The following GMPS variants were observed in gnomAD, a reference collection of about 807,000 sequenced individuals.
The protein encoded by GMPS is guanosine monophosphate synthase.
In GMPS, 15 loss-of-function variants were observed where a neutral mutation model predicts 77.9. The observed-to-expected ratio is 0.19, with a 90% CI of 0.13 to 0.30. GMPS has a LOEUF of 0.30. Among genes scored for constraint, GMPS ranks in the 10% least tolerant of loss-of-function variants. GMPS has a pLI of 1.00. For missense variants in GMPS, 590 were observed against 838.8 expected, an observed-to-expected ratio of 0.70 and a Z score of 3.66; for synonymous variants, 224 against 275.9, an observed-to-expected ratio of 0.81 and a Z score of 1.86.
At chr3:155,884,410 A>G (rs540632330) in intron 1 of GMPS, among the ~76,000 whole-genome samples, 1 of 152,104 alleles carries the variant, frequency 6.6e-6, no homozygotes, top group East Asian at 1.9e-4. Flanking sequence ...AAAGAAAAAA[A>G]AATCACGAGG....
At chr3:155,910,955 T>C in intron 6 of GMPS, 70 bp downstream of exon 6, 1 of 1,155,398 alleles carries the variant, frequency 8.7e-7, no homozygotes, top group Admixed American at 2.2e-5. Flanking sequence ...GTTAGAGTCC[T>C]CAACACAGCC....
rs1755952860 is a variant in GMPS, at chr3:155,943,981, TACACATGCAC to T, written c.*6290_*6299del. The T allele has an allele frequency of 2.0e-5, 3 of 152,322 alleles. No individual in the cohort carries two copies. The South Asian group carries it at 6.2e-4, about 32-fold the overall frequency. 9.4% of individuals were successfully genotyped at this position (152,322 alleles called of 1,614,324 possible). On this transcript the variant is annotated 3_prime_UTR_variant, in exon 16 of 16. Transcript: ENST00000496455. ...TTTAAATGAGCTAAAGGTGTGCGTA[TACACATGCAC>T]TTATAAAATTAAAGTCATATATGTA...
intron 12 of GMPS, among the ~76,000 whole-genome samples, chr3:155,928,630 CA>C (rs1319910882): frequency 6.7e-6 from 1 of 150,332 alleles, no homozygotes; most frequent in African/African-American, 2.5e-5. Flanking sequence ...TGGTGCACCG[CA>C]CCCACTAACT....
intron 1 of GMPS, among the ~76,000 whole-genome samples, chr3:155,892,879 G>A (rs1310230392): frequency 1.3e-5 from 2 of 152,216 alleles, no homozygotes; most frequent in African/African-American, 4.8e-5. Flanking sequence ...TAATCCACCT[G>A]CCTTGGCCTC....
intron 1 of GMPS, among the ~76,000 whole-genome samples, chr3:155,881,257 C>T (rs1273277028): frequency 7.1e-6 from 1 of 141,584 alleles, no homozygotes; most frequent in African/African-American, 2.6e-5. Flanking sequence ...ACCACAACCT[C>T]TGCATCCCGG....
intron 1 of GMPS, among the ~76,000 whole-genome samples, chr3:155,874,320 T>C (rs1214169875): frequency 6.6e-6 from 1 of 152,228 alleles, no homozygotes; most frequent in African/African-American, 2.4e-5. Context: ...ATATCATACT[T>C]GGATGAAAGA....
At chr3:155,884,710 G>A (rs1056341419) in intron 1 of GMPS, among the ~76,000 whole-genome samples, 19 of 152,168 alleles carry the variant, frequency 1.2e-4, no homozygotes, top group African/African-American at 4.6e-4. Flanking sequence ...ATAATGTGCA[G>A]ATTACATACA....
rs1754747602 is a variant in GMPS, at chr3:155,902,000, C to G, written c.325-1863C>G. ...AGAATTTCCTTCCCTTTCTCCCTTC[C>G]CAATCTAAAACTTATAAAACTTTGA... On this transcript the variant is annotated intron_variant, in intron 3 of 15. Coordinates refer to ENST00000496455, the MANE Select transcript of GMPS (RefSeq NM_003875.3). 2.0e-5 allele frequency among the ~76,000 whole-genome samples: 3 copies of G among 152,060 alleles called. No individual in the cohort carries two copies. In the South Asian group the frequency reaches 6.2e-4, roughly 32 times the overall value.
intron 12 of GMPS, among the ~76,000 whole-genome samples, chr3:155,929,111 C>A (rs1755532392): frequency 6.6e-6 from 1 of 151,656 alleles, no homozygotes; most frequent in Non-Finnish European, 1.5e-5. Context: ...GGAATCGCCA[C>A]ACTGATTTCC....
At position 155,934,991 on chromosome 3, in the gene GMPS, G is replaced by T; in HGVS notation, c.1752G>T (p.Val584=). The change falls in exon 14 of 16, where the codon GTG becomes GTT. Residue 584 remains valine (V), a synonymous_variant. Transcript: ENST00000496455. The part of the protein sequence containing the change: ...DVTPTFLTTG[V]LSTLRQADFE... Reference sequence around the variant, plus strand: ...CTCCCACTTTCTTGACAACAGGGGTGCTCAGTACTTTACGCCAAGCTGATT... The same window carrying T: ...CTCCCACTTTCTTGACAACAGGGGTTCTCAGTACTTTACGCCAAGCTGATT... The T allele has an allele frequency of 1.2e-6, 2 of 1,600,080 alleles. No individual in the cohort carries two copies. Among genetic ancestry groups the T allele is most frequent in the African/African-American group, 1.3e-5 (1 of 74,750 alleles).
Position 155,870,841 on chromosome 3 carries a change from G to A in GMPS, c.-30G>A. 1.4e-6 allele frequency: 2 copies of A among 1,468,484 alleles called. No individual in the cohort carries two copies. Among genetic ancestry groups the A allele is most frequent in the African/African-American group, 1.5e-5 (1 of 68,596 alleles). The allele number at this position is 1,468,484 out of a possible 1,614,324, so 91.0% of individuals were successfully genotyped here. A position where few individuals can be genotyped will look rare whatever the true frequency, so the allele number is the denominator to read the frequency against. ...TCCCGCCCCGTCTCGTACTGTCGCC[G>A]TCACCGCCGCGGCTCCGGCCCTGGC... is the stretch of plus-strand genomic sequence containing the variant. On this transcript the variant is annotated 5_prime_UTR_variant, in exon 1 of 16. Coordinates refer to ENST00000496455, the MANE Select transcript of GMPS (RefSeq NM_003875.3).
chr3:155,934,795 C>T, intron 13 of GMPS, 121 bp from the exon 14 acceptor site: 1 of 672,596 alleles, frequency 1.5e-6, no homozygotes, highest in South Asian at 1.8e-5. Flanking sequence ...GGAGAAGGGC[C>T]TGAAACTAAG....
chr3:155,894,205 A>G (rs1754542712), intron 2 of GMPS, among the ~76,000 whole-genome samples: 1 of 152,166 alleles, frequency 6.6e-6, no homozygotes, highest in South Asian at 2.1e-4. Context: ...TTCCTTTAAC[A>G]ACTATTTTTG....
rs539425484 is a variant in GMPS at position 155,872,109 on chromosome 3, C to T, written c.27+1212C>T. Among the ~76,000 whole-genome samples, 41 of 152,298 alleles carry T rather than the reference C, an allele frequency of 2.7e-4. 1 individual carries two copies. Among genetic ancestry groups the T allele is most frequent in the African/African-American group, 9.4e-4 (39 of 41,572 alleles). On this transcript the variant is annotated intron_variant, in intron 1 of 15. Coordinates refer to ENST00000496455, the MANE Select transcript of GMPS (RefSeq NM_003875.3). Reference sequence around the variant, plus strand: ...TGTATACTTCGAGGTGGATTTGGTGCTCTACGTCAGATAGTAGTGCCTTGT... The same window carrying T: ...TGTATACTTCGAGGTGGATTTGGTGTTCTACGTCAGATAGTAGTGCCTTGT...
intron 1 of GMPS, among the ~76,000 whole-genome samples, chr3:155,888,354 A>G (rs1426230223): frequency 2.0e-5 from 3 of 152,054 alleles, no homozygotes; most frequent in Non-Finnish European, 4.4e-5. Flanking sequence ...GAAATAGTAC[A>G]TTCTAGTTTT....
Position 155,931,872 on chromosome 3 carries a change from C to A in GMPS, c.1668C>A (p.Asn556Lys), listed in dbSNP as rs762758089. 2.7e-6 allele frequency: 4 copies of A among 1,456,312 alleles called. No homozygotes were observed. Among genetic ancestry groups the A allele is most frequent in the Admixed American group, 3.4e-5 (2 of 59,476 alleles). The allele number at this position is 1,456,312 out of a possible 1,614,324, so 90.2% of individuals were successfully genotyped here. ...LARLIPRMCHNVNRVVYIFGP... is the reference protein window; with the variant it reads ...LARLIPRMCHKVNRVVYIFGP... The stretch of plus-strand genomic sequence containing the variant: ...GGCTTATACCTCGCATGTGTCACAA[C>A]GTTAACAGGTGTGTTTCACAGGAGC... The change falls in exon 13 of 16, where the codon AAC (asparagine) becomes AAA (lysine). Residue 556 changes from asparagine (N) to lysine (K), a missense_variant. Physicochemically the swap from Asn to Lys is moderately conservative, Grantham distance 94. Around this residue, in one of 6 missense-constraint regions of GMPS, gnomAD observed 89 missense variants for 95.9 expected, o/e 0.93. Transcript: ENST00000496455.
At chr3:155,896,015 G>GT (rs1392180751) in intron 2 of GMPS, among the ~76,000 whole-genome samples, 240 of 141,600 alleles carry the variant, frequency 1.7e-3, no homozygotes, top group African/African-American at 1.9e-3. Flanking sequence ...TTTTGTTTTT[G>GT]TTTTTTTTTT....
chr3:155,896,665 C>T (rs1300615793), intron 2 of GMPS, among the ~76,000 whole-genome samples: 4 of 151,244 alleles, frequency 2.6e-5, no homozygotes, highest in Non-Finnish European at 5.9e-5. Flanking sequence ...AAGCAATCTG[C>T]CCGTCTCTGT....
Position 155,943,091 on chromosome 3 carries a change from C to T in GMPS, c.*5399C>T, listed in dbSNP as rs1755931152. On this transcript the variant is annotated 3_prime_UTR_variant, in exon 16 of 16. Coordinates refer to ENST00000496455, the MANE Select transcript of GMPS (RefSeq NM_003875.3). ...ACTAAAAATGTAAAAATTAGCTGGG[C>T]TTGGTGGCGCGCGCCTGTAATCCCA... 1 of 175,726 alleles carries T rather than the reference C, an allele frequency of 5.7e-6. No homozygotes were observed. Among genetic ancestry groups the T allele is most frequent in the South Asian group, 2.0e-4 (1 of 5,012 alleles). The allele number at this position is 175,726 out of a possible 1,614,324, so 10.9% of individuals were successfully genotyped here. A position where few individuals can be genotyped will look rare whatever the true frequency, so the allele number is the denominator to read the frequency against.
Sources: gnomAD v4.1 joint callset for allele counts (sites outside exome capture counted in the v4.1 genomes callset) on GRCh38, gnomAD v4.1.1 for gene constraint, gnomAD v4.1.1 regional missense constraint, MANE v1.5 for transcripts, NCBI Gene and HGNC (gene_info 2026-07-23, HGNC 2026-07-21) for gene names.